Variants in DOP1A observed in about 807,000 individuals in gnomAD.
The protein encoded by DOP1A is DOP1 leucine zipper like protein A.
In DOP1A, 90 loss-of-function variants were observed where a neutral mutation model predicts 267.6. The ratio of observed to expected loss-of-function variants is 0.34; its 90% CI spans 0.28 to 0.40. The LOEUF (loss-of-function observed/expected upper bound fraction) is 0.40. Among genes scored for constraint, DOP1A ranks in the 10% least tolerant of loss-of-function variants. The probability of loss-of-function intolerance (pLI) is 1.00; values close to 1 mark genes in which losing one functional copy is unlikely to be tolerated. For synonymous variants in DOP1A, 932 were observed against 999.1 expected, an observed-to-expected ratio of 0.93 and a Z score of 1.27; for missense variants, 2,437 against 2,900.4, an observed-to-expected ratio of 0.84 and a Z score of 3.67.
At position 83,130,124 on chromosome 6, in the gene DOP1A, C is replaced by A. The variant is rs150689664; in HGVS notation, c.2343C>A (p.Asp781Glu). Residue 781 changes from aspartate to glutamate, a missense_variant and splice_region_variant, in exon 17 of 39, where the codon GAC (aspartate) becomes GAA (glutamate). Physicochemically the swap from Asp to Glu is conservative, Grantham distance 45. Transcript: ENST00000349129. The part of the protein sequence containing the change: ...SELRSEKLET[D>E]CEHVQPPQWL... ...GATTGCTACCATCTTTTGTTTCAGA[C>A]TGTGAGCATGTGCAGCCTCCACAGT... is the stretch of plus-strand genomic sequence containing the variant. The A allele has an allele frequency of 6.2e-7, 1 of 1,612,962 alleles. No homozygotes were observed. The highest frequency in any genetic ancestry group is 2.2e-5 in the East Asian group (1 of 44,872).
At chr6:83,123,037 G>GT (rs888904445) in intron 12 of DOP1A, 55 bp downstream of exon 12, 69 of 1,521,732 alleles carry the variant, frequency 4.5e-5, no homozygotes, top group African/African-American at 2.6e-4. Flanking sequence ...TAACCTTTGG[G>GT]TTTTTTTTAA....
intron 1 of DOP1A, among the ~76,000 whole-genome samples, chr6:83,082,076 G>A (rs1353045487): frequency 6.6e-6 from 1 of 152,114 alleles, no homozygotes; most frequent in African/African-American, 2.4e-5. Flanking sequence ...TGGTGGGAAT[G>A]TAAATTAGTA....
chr6:83,159,121 A>G (rs1005537561), intron 36 of DOP1A, among the ~76,000 whole-genome samples: 1 of 152,204 alleles, frequency 6.6e-6, no homozygotes, highest in Admixed American at 6.5e-5. Flanking sequence ...TTTCTTGAAT[A>G]TATTTTCTTC....
rs765413387 is a variant in DOP1A at position 83,122,970 on chromosome 6, A to G, written c.1328A>G (p.Glu443Gly). ...TGGGATTATGTTGCACGCTGGTTTG[A>G]AGAATGTTGTAGGTATGTTAAACTT... Reference protein sequence around the residue: ...YMWDYVARWFEECCRRTLHVR... With the variant: ...YMWDYVARWFGECCRRTLHVR... The change falls in exon 12 of 39, where the codon GAA (glutamate) becomes GGA (glycine). Residue 443 changes from glutamate (E) to glycine (G), a missense_variant. By Grantham distance (98) the Glu-to-Gly change is moderately conservative (BLOSUM62 -2). This residue lies in a region of DOP1A where 498 missense variants were observed against 513.5 expected (regional missense o/e 0.97). Coordinates refer to ENST00000349129, the MANE Select transcript of DOP1A (RefSeq NM_015018.4). 1.3e-6 allele frequency: 2 copies of G among 1,582,298 alleles called. No homozygotes were observed. The highest frequency in any genetic ancestry group is 1.7e-6 in the Non-Finnish European group (2 of 1,169,330).
At chr6:83,109,357 G>A (rs944437910) in intron 5 of DOP1A, among the ~76,000 whole-genome samples, 1 of 152,152 alleles carries the variant, frequency 6.6e-6, no homozygotes, top group African/African-American at 2.4e-5. Context: ...TTTTCTTAGT[G>A]TCTGAACTTT....
chr6:83,077,373 T>A (rs144397310), intron 1 of DOP1A, among the ~76,000 whole-genome samples: 5 of 151,768 alleles, frequency 3.3e-5, no homozygotes. Flanking sequence ...AAAAACAATT[T>A]AAAAAGGACT....
At chr6:83,122,669 T>C (rs1223539095) in intron 11 of DOP1A, among the ~76,000 whole-genome samples, 194 bp from the exon 12 acceptor site, 1 of 151,950 alleles carries the variant, frequency 6.6e-6, no homozygotes, top group Non-Finnish European at 1.5e-5. Flanking sequence ...TGACAAAAAT[T>C]CAAATTTGAA....
At chr6:83,084,167 T>C (rs1262222385) in intron 1 of DOP1A, among the ~76,000 whole-genome samples, 2 of 152,218 alleles carry the variant, frequency 1.3e-5, no homozygotes, top group African/African-American at 2.4e-5. Flanking sequence ...ATGGCCCACC[T>C]ATGTAACAGT....
intron 1 of DOP1A, among the ~76,000 whole-genome samples, chr6:83,089,685 C>G (rs952987026): frequency 2.0e-5 from 3 of 152,042 alleles, no homozygotes; most frequent in African/African-American, 7.2e-5. Flanking sequence ...TTTAAGTTTC[C>G]TGGTTATATT....
intron 1 of DOP1A, among the ~76,000 whole-genome samples, chr6:83,074,260 G>A (rs182934033): frequency 5.3e-4 from 80 of 152,212 alleles, no homozygotes; most frequent in Non-Finnish European, 1.0e-3. Context: ...ATGATTCTGA[G>A]TTGAGACGTA....
intron 23 of DOP1A, 102 bp from the exon 24 acceptor site, chr6:83,141,819 A>C: frequency 8.5e-7 from 1 of 1,178,482 alleles, no homozygotes. Context: ...AGTAAAACCT[A>C]TAAGTACTAT....
At chr6:83,155,253 G>T (rs1782540541) in intron 33 of DOP1A, among the ~76,000 whole-genome samples, 1 of 151,024 alleles carries the variant, frequency 6.6e-6, no homozygotes, top group South Asian at 2.1e-4. Flanking sequence ...TTTGAGGCCA[G>T]GAGTTTGAGA....
downstream of DOP1A, chr6:83,169,092 TTAAGAAAAA>T: frequency 2.1e-6 from 3 of 1,447,828 alleles, no homozygotes; most frequent in Non-Finnish European, 1.8e-6. Flanking sequence ...CTGTTAGTGT[TTAAGAAAAA>T]CAGATCTAGA....
At position 83,147,299 on chromosome 6, in the gene DOP1A, T is replaced by A. The variant is rs372083650; in HGVS notation, c.5732+8T>A. On this transcript the variant is annotated splice_region_variant and intron_variant, in intron 26 of 38. Coordinates refer to ENST00000349129, the MANE Select transcript of DOP1A (RefSeq NM_015018.4). ...CTATGCTTATATTCAAAGGTAAGAT[T>A]ACTGATATTGATCTGTCCTTACTAT... The A allele has an allele frequency of 1.0e-5, 15 of 1,446,240 alleles. No individual in the cohort carries two copies. The highest frequency in any genetic ancestry group is 1.8e-5 in the Admixed American group (1 of 55,782). The allele number at this position is 1,446,240 out of a possible 1,614,324, so 89.6% of individuals were successfully genotyped here. A position where few individuals can be genotyped will look rare whatever the true frequency, so the allele number is the denominator to read the frequency against.
At chr6:83,139,879 G>C in intron 21 of DOP1A, 121 bp from the exon 22 acceptor site, 1 of 603,928 alleles carries the variant, frequency 1.7e-6, no homozygotes. Context: ...TTAGCCATTT[G>C]TTAATCTAGT....
intron 1 of DOP1A, among the ~76,000 whole-genome samples, chr6:83,094,239 C>T (rs1387877564): frequency 6.6e-6 from 1 of 152,144 alleles, no homozygotes; most frequent in East Asian, 1.9e-4. Flanking sequence ...TAGTTTGTAT[C>T]ACTATTTCAT....
chr6:83,138,538 A>G lies in DOP1A; in HGVS notation c.4496A>G (p.Glu1499Gly), dbSNP rs1400469379. ...SIEILTLLFT[E>G]LAKVIESSAK... The stretch of plus-strand genomic sequence containing the variant: ...GAAATTCTGACACTACTCTTCACTG[A>G]GCTGGCAAAAGTAATAGAAAGCTCA... Residue 1499 changes from glutamate (E) to glycine (G), a missense_variant, in exon 21 of 39, where the codon GAG (glutamate) becomes GGG (glycine). By Grantham distance (98) the Glu-to-Gly change is moderately conservative. Transcript: ENST00000349129. The G allele has an allele frequency of 1.2e-6, 2 of 1,613,832 alleles. No homozygotes were observed. The highest frequency in any genetic ancestry group is 1.7e-6 in the Non-Finnish European group (2 of 1,179,940).
intron 1 of DOP1A, among the ~76,000 whole-genome samples, chr6:83,094,672 T>G (rs1468155119): frequency 6.6e-6 from 1 of 152,246 alleles, no homozygotes; most frequent in Non-Finnish European, 1.5e-5. Flanking sequence ...ATTGACCATT[T>G]GTACATTTTC....
At chr6:83,099,677 CAT>C (rs200418988) in intron 3 of DOP1A, among the ~76,000 whole-genome samples, 36 of 137,900 alleles carry the variant, frequency 2.6e-4, no homozygotes, top group Admixed American at 6.7e-4. Context: ...GCAAGGATTG[CAT>C]ATGTGTGTGT....
Sources: gnomAD v4.1 joint callset for allele counts (sites outside exome capture counted in the v4.1 genomes callset) on GRCh38, gnomAD v4.1.1 for gene constraint, gnomAD v4.1.1 regional missense constraint, MANE v1.5 for transcripts, NCBI Gene and HGNC (gene_info 2026-07-23, HGNC 2026-07-21) for gene names.